The following ELAVL3 variants were observed in gnomAD, a reference collection of about 807,000 sequenced individuals.
The protein encoded by ELAVL3 is ELAV-like protein 3.
Under a neutral mutation model 34.2 loss-of-function variants are expected in ELAVL3, and 8 were observed. The observed-to-expected ratio is 0.23, with a 90% confidence interval of 0.14 to 0.42. ELAVL3 has a LOEUF of 0.42. Ranked by LOEUF, ELAVL3 falls within the 10% of genes least tolerant of loss-of-function variation. ELAVL3 has a pLI of 1.00. For missense variants in ELAVL3, 273 were observed against 518.8 expected (o/e 0.53, Z 4.60); for synonymous variants, 209 against 222.1 (o/e 0.94, Z 0.53).
At chr19:11,469,084 TA>T (rs1971112940) in intron 1 of ELAVL3, among the ~76,000 whole-genome samples, 1 of 152,024 alleles carries the variant, frequency 6.6e-6, no homozygotes, top group Non-Finnish European at 1.5e-5. Context: ...CAAGCCTGGC[TA>T]CTTTTTTTTT....
chr19:11,466,751 C>A lies in ELAVL3; in HGVS notation c.86G>T (p.Gly29Val). The A allele has an allele frequency of 6.2e-7, 1 of 1,614,172 alleles. No homozygotes were observed. Among genetic ancestry groups the A allele is most frequent in the Non-Finnish European group, 8.5e-7 (1 of 1,180,018 alleles). Residue 29 changes from glycine to valine, a missense_variant, in exon 2 of 7, where the codon GGT (glycine) becomes GTT (valine). Gly to Val is a moderately radical substitution (Grantham distance 109, BLOSUM62 -3). Transcript: ENST00000359227. This position sits in a 1 kb window ranked among gnomAD's most constrained non-coding sequence, Gnocchi z 5.0. The stretch of plus-strand genomic sequence containing the variant: ...GCTGTCGTCAGTGGCTCCATTTGTA[C>A]CAAGGAGTGGCCCGTTGGGCAGGGC... ...GPALPNGPLL[G>V]TNGATDDSKT...
At chr19:11,468,129 C>T (rs896354622) in intron 1 of ELAVL3, among the ~76,000 whole-genome samples, 2 of 152,090 alleles carry the variant, frequency 1.3e-5, no homozygotes, top group African/African-American at 4.8e-5. Context: ...CTTCCCTAAA[C>T]ATATTTATTT....
chr19:11,475,417 A>G (rs375250425), intron 1 of ELAVL3, among the ~76,000 whole-genome samples: 3 of 151,800 alleles, frequency 2.0e-5, no homozygotes, highest in East Asian at 3.9e-4. Flanking sequence ...TGATTCTCTC[A>G]CCTCAGCCTC....
At chr19:11,461,032 AG>A (rs1322960499) in intron 3 of ELAVL3, among the ~76,000 whole-genome samples, 1 of 148,696 alleles carries the variant, frequency 6.7e-6, no homozygotes, top group Non-Finnish European at 1.5e-5. Flanking sequence ...AAAAAAAATT[AG>A]CTGGGTGTGG....
intron 3 of ELAVL3, among the ~76,000 whole-genome samples, chr19:11,465,052 CACAT>C (rs1971007514): frequency 1.6e-5 from 2 of 125,900 alleles, no homozygotes; most frequent in Admixed American, 1.6e-4. Context: ...CACACATACA[CACAT>C]ACACACATCC....
Position 11,480,276 on chromosome 19 carries a change from A to C in ELAVL3, c.9+324T>G. 1 of 308,792 alleles carries C rather than the reference A, an allele frequency of 3.2e-6. No homozygotes were observed. The allele number at this position is 308,792 out of a possible 1,614,324, so 19.1% of individuals were successfully genotyped here. On this transcript the variant is annotated intron_variant, in intron 1 of 6. Coordinates refer to ENST00000359227, the MANE Select transcript of ELAVL3 (RefSeq NM_001420.4). The surrounding 1 kb of genome is among the most constrained non-coding windows in gnomAD (Gnocchi z 6.8). ...GGCGGCCTGCGGGGTCTGGGCCTGGATGGAGGAAGCATCCTTAGCCGCCGC... is the reference window on the plus strand; with the variant it reads ...GGCGGCCTGCGGGGTCTGGGCCTGGCTGGAGGAAGCATCCTTAGCCGCCGC...
chr19:11,468,760 A>G (rs73512747), intron 1 of ELAVL3, among the ~76,000 whole-genome samples: 5,421 of 152,002 alleles, frequency 0.036, 331 homozygotes, highest in African/African-American at 0.12. Context: ...TGCTTTAAAC[A>G]TTTTGCAGCC....
At chr19:11,478,825 C>T (rs986913050) in intron 1 of ELAVL3, among the ~76,000 whole-genome samples, 2 of 152,120 alleles carry the variant, frequency 1.3e-5, no homozygotes, top group Non-Finnish European at 2.9e-5. Flanking sequence ...CAGCTGCGGC[C>T]CCTGGCCCCA....
At chr19:11,457,060 AG>A in intron 6 of ELAVL3, 49 bp downstream of exon 6, 1 of 1,152,596 alleles carries the variant, frequency 8.7e-7, no homozygotes. Context: ...GGGGTGCATC[AG>A]GGGCATGGAT....
chr19:11,465,768 A>G (rs769812070), intron 3 of ELAVL3, among the ~76,000 whole-genome samples: 7 of 151,742 alleles, frequency 4.6e-5, no homozygotes, highest in Non-Finnish European at 1.0e-4. Context: ...GGCGTTGCAC[A>G]AAGATGGGGG....
rs200383181 is a variant in ELAVL3, at chr19:11,454,500, G to A, written c.*26C>T. 1 of 1,538,368 alleles carries A rather than the reference G, an allele frequency of 6.5e-7. No homozygotes were observed. Among genetic ancestry groups the A allele is most frequent in the Middle Eastern group, 2.0e-4 (1 of 4,992 alleles). ...CTCTCTCTCTCTGCTGCCCGGGGAG[G>A]GGGTGGGAGGGCAGGCGGGGTGGGC... is the stretch of plus-strand genomic sequence containing the variant. On this transcript the variant is annotated 3_prime_UTR_variant, in exon 7 of 7. Coordinates refer to ENST00000359227, the MANE Select transcript of ELAVL3 (RefSeq NM_001420.4). The surrounding 1 kb of genome is among the most constrained non-coding windows in gnomAD (Gnocchi z 9.2).
In ELAVL3 at chr19:11,454,179, G is replaced by A; in HGVS notation, c.*347C>T. The stretch of plus-strand genomic sequence containing the variant: ...TGGAGCCCCCCAAGCCATCCCATCG[G>A]GGGTGGTCGAGGGTGGGGGTGGGGG... On this transcript the variant is annotated 3_prime_UTR_variant, in exon 7 of 7. Coordinates refer to ENST00000359227, the MANE Select transcript of ELAVL3 (RefSeq NM_001420.4). This position sits in a 1 kb window ranked among gnomAD's most constrained non-coding sequence, Gnocchi z 9.2. The A allele has an allele frequency of 4.4e-6, 1 of 228,366 alleles. No homozygotes were observed. The highest frequency in any genetic ancestry group is 5.1e-5 in the Admixed American group (1 of 19,498). The allele number at this position is 228,366 out of a possible 1,614,324, so 14.1% of individuals were successfully genotyped here. A position where few individuals can be genotyped will look rare whatever the true frequency, so the allele number is the denominator to read the frequency against.
intron 3 of ELAVL3, among the ~76,000 whole-genome samples, chr19:11,461,548 T>C (rs574160348): frequency 7.2e-6 from 1 of 139,740 alleles, no homozygotes; most frequent in East Asian, 2.5e-4. Flanking sequence ...CCTCCCTCCC[T>C]CCTTCCCTTC....
At chr19:11,471,017 T>A (rs184199961) in intron 1 of ELAVL3, among the ~76,000 whole-genome samples, 149 of 152,212 alleles carry the variant, frequency 9.8e-4, no homozygotes, top group Admixed American at 1.4e-3. Flanking sequence ...GGCTAATTTT[T>A]AAAAATTTTT....
Position 11,458,677 on chromosome 19 carries a change from G to T in ELAVL3, c.334-66C>A. 1 of 1,584,134 alleles carries T rather than the reference G, an allele frequency of 6.3e-7. No homozygotes were observed. The highest frequency in any genetic ancestry group is 8.6e-7 in the Non-Finnish European group (1 of 1,163,260). On this transcript the variant is annotated intron_variant, in intron 3 of 6. Coordinates refer to ENST00000359227, the MANE Select transcript of ELAVL3 (RefSeq NM_001420.4). This position sits in a 1 kb window ranked among gnomAD's most constrained non-coding sequence, Gnocchi z 7.3. The stretch of plus-strand genomic sequence containing the variant: ...CCATTTCACAGATGGAGAGAGTGAG[G>T]CCATGTCTAAACCATCACGGAGTTA...
chr19:11,475,264 G>C (rs1196285336), intron 1 of ELAVL3, among the ~76,000 whole-genome samples: 1 of 152,178 alleles, frequency 6.6e-6, no homozygotes, highest in African/African-American at 2.4e-5. Flanking sequence ...CCATTTTACA[G>C]GTGACAAAAG....
chr19:11,474,809 A>C (rs1239265542), intron 1 of ELAVL3, among the ~76,000 whole-genome samples: 1 of 152,090 alleles, frequency 6.6e-6, no homozygotes, highest in Admixed American at 6.6e-5. Context: ...GTGCCATTGC[A>C]TGGGGCAATA....
chr19:11,461,354 C>T (rs1290778831), intron 3 of ELAVL3, among the ~76,000 whole-genome samples: 1 of 152,054 alleles, frequency 6.6e-6, no homozygotes, highest in Non-Finnish European at 1.5e-5. Context: ...GGAAGTCCAC[C>T]TCTCAAATGC....
In ELAVL3 at chr19:11,466,060, G is replaced by A; in HGVS notation, c.333+112C>T. 1 of 964,776 alleles carries A rather than the reference G, an allele frequency of 1.0e-6. No homozygotes were observed. The highest frequency in any genetic ancestry group is 1.6e-6 in the Non-Finnish European group (1 of 619,228). The allele number at this position is 964,776 out of a possible 1,614,324, so 59.8% of individuals were successfully genotyped here. The stretch of plus-strand genomic sequence containing the variant: ...GAGATTTGAGCCCCTCTGGGGATGA[G>A]TCCTGAAAGGCAGTGGACATGGATG... On this transcript the variant is annotated intron_variant, in intron 3 of 6. Coordinates refer to ENST00000359227, the MANE Select transcript of ELAVL3 (RefSeq NM_001420.4). The surrounding 1 kb of genome is among the most constrained non-coding windows in gnomAD (Gnocchi z 5.0).
Sources: gnomAD v4.1 joint callset for allele counts (sites outside exome capture counted in the v4.1 genomes callset) on GRCh38, gnomAD v4.1.1 for gene constraint, Gnocchi (gnomAD v3.1) non-coding constraint, MANE v1.5 for transcripts, NCBI Gene and HGNC (gene_info 2026-07-23, HGNC 2026-07-21) for gene names.